The following ADAMTSL2 variants were observed in gnomAD, a reference collection of about 807,000 sequenced individuals.
ADAMTSL2 encodes ADAMTS like 2, also known as ADAMTS-like protein 2.
A neutral mutation model predicts 117.0 loss-of-function variants in ADAMTSL2; 55 were observed. The observed-to-expected ratio is 0.47, with a 90% CI of 0.38 to 0.59. The LOEUF (loss-of-function observed/expected upper bound fraction) is 0.59. ADAMTSL2 is among the 20% of genes least tolerant of loss of function. The probability of loss-of-function intolerance (pLI) is 0.00; values close to 1 mark genes in which losing one functional copy is unlikely to be tolerated. For missense variants in ADAMTSL2, 1,182 were observed against 1,354.5 expected, an observed-to-expected ratio of 0.87 and a Z score of 2.00; for synonymous variants, 572 against 566.4, an observed-to-expected ratio of 1.01 and a Z score of -0.14.
rs1435596067 is a variant in ADAMTSL2, at chr9:133,536,555, C to A, written c.-150-8C>A. ...AGACTGAGGCGGGGGGTTCATCCTT[C>A]CCAACAGGGTCTGCCAGACAACCAC... On this transcript the variant is annotated splice_region_variant and splice_polypyrimidine_tract_variant and intron_variant, in intron 1 of 18. Transcript: ENST00000651351. 6.4e-7 allele frequency: 1 copy of A among 1,559,418 alleles called. No homozygotes were observed. Among genetic ancestry groups the A allele is most frequent in the Non-Finnish European group, 8.7e-7 (1 of 1,149,336 alleles).
rs922156352 is a variant in ADAMTSL2 at position 133,558,633 on chromosome 9, C to G, written c.1650-2565C>G. On this transcript the variant is annotated intron_variant, in intron 11 of 18. Coordinates refer to ENST00000651351, the MANE Select transcript of ADAMTSL2 (RefSeq NM_014694.4). This position sits in a 1 kb window ranked among gnomAD's most constrained non-coding sequence, Gnocchi z 4.3. ...GGGAGCCCGTGAGCCTGTGTCTGGC[C>G]GGGCATCTGGGCGAAGGACCCTGAG... 6.6e-6 allele frequency among the ~76,000 whole-genome samples: 1 copy of G among 152,292 alleles called. No individual in the cohort carries two copies. The highest frequency in any genetic ancestry group is 1.5e-5 in the Non-Finnish European group (1 of 68,018).
chr9:133,554,395 C>CT lies in ADAMTSL2; in HGVS notation c.978_979insT (p.Glu327Ter), dbSNP rs538102556. ...ACGGCAAAAGCCCCTCCATCACCTT[C>CT]GAGTACACGCTGCTGCAGCCGCCAC... On this transcript the variant is annotated frameshift_variant, in exon 10 of 19. Transcript: ENST00000651351. LOFTEE classifies it high-confidence loss of function. The surrounding 1 kb of genome is among the most constrained non-coding windows in gnomAD (Gnocchi z 5.2). 6.4e-7 allele frequency: 1 copy of CT among 1,562,712 alleles called. No homozygotes were observed. Among genetic ancestry groups the CT allele is most frequent in the South Asian group, 1.2e-5 (1 of 85,756 alleles).
chr9:133,564,534 CAG>C (rs1199311129), intron 12 of ADAMTSL2, among the ~76,000 whole-genome samples: 12 of 4,458 alleles, frequency 2.7e-3, no homozygotes, highest in African/African-American at 0.011. Context: ...GAGAGAGAGA[CAG>C]AGAGGGAGAG....
chr9:133,534,807 C>T lies in ADAMTSL2; in HGVS notation c.-261C>T, dbSNP rs963801103. 4.7e-6 allele frequency: 7 copies of T among 1,488,638 alleles called. No homozygotes were observed. Among genetic ancestry groups the T allele is most frequent in the Non-Finnish European group, 6.3e-6 (7 of 1,114,160 alleles). 92.2% of individuals were successfully genotyped at this position (1,488,638 alleles called of 1,614,324 possible). A position where few individuals can be genotyped will look rare whatever the true frequency, so the allele number is the denominator to read the frequency against. On this transcript the variant is annotated 5_prime_UTR_variant, in exon 1 of 19. Transcript: ENST00000651351. ...GGGGAAGGGGAGAGGGAGGCCGGGCCGCAGCCTCTGCACTCACGCCGCCCC... is the reference window on the plus strand; with the variant it reads ...GGGGAAGGGGAGAGGGAGGCCGGGCTGCAGCCTCTGCACTCACGCCGCCCC...
chr9:133,536,706 T>C lies in ADAMTSL2; in HGVS notation c.-7T>C. ...GCCTGGTGGTGACAGTGGCCTTGCT[T>C]CCTAGGATGGATGGCAGATGGCAAT... On this transcript the variant is annotated 5_prime_UTR_variant, in exon 2 of 19. Coordinates refer to ENST00000651351, the MANE Select transcript of ADAMTSL2 (RefSeq NM_014694.4). 6.2e-7 allele frequency: 1 copy of C among 1,614,134 alleles called. No homozygotes were observed. The highest frequency in any genetic ancestry group is 8.5e-7 in the Non-Finnish European group (1 of 1,180,012).
chr9:133,556,880 T>C (rs2131143953), intron 11 of ADAMTSL2, among the ~76,000 whole-genome samples: 1 of 152,236 alleles, frequency 6.6e-6, no homozygotes, highest in South Asian at 2.1e-4. Flanking sequence ...TGCCCCCAGA[T>C]AGAGGGTGGC....
chr9:133,544,369 G>C (rs1446691096), intron 7 of ADAMTSL2, 101 bp from the exon 8 acceptor site: 23 of 1,010,330 alleles, frequency 2.3e-5, no homozygotes, highest in Admixed American at 1.2e-4. Context: ...CCAGCCCTTA[G>C]ACAGCCACCG....
chr9:133,547,006 G>C lies in ADAMTSL2; in HGVS notation c.764-32G>C. The C allele has an allele frequency of 3.1e-6, 5 of 1,612,696 alleles. No homozygotes were observed. The South Asian group carries it at 5.5e-5, about 18-fold the overall frequency. ...ACTGGCTCCTCCCCCAGCCAGTTTGGCCTTTTGTGACCGGCGGCTTTGCCC... is the reference window on the plus strand; with the variant it reads ...ACTGGCTCCTCCCCCAGCCAGTTTGCCCTTTTGTGACCGGCGGCTTTGCCC... On this transcript the variant is annotated intron_variant, in intron 8 of 18. Transcript: ENST00000651351.
At chr9:133,541,114 T>G in intron 7 of ADAMTSL2, 113 bp downstream of exon 7, 1 of 1,440,714 alleles carries the variant, frequency 6.9e-7, no homozygotes, top group Non-Finnish European at 9.5e-7. Flanking sequence ...TCTTCCCCTC[T>G]AGGGGCACCT....
At chr9:133,565,849 A>G (rs917566366) in intron 12 of ADAMTSL2, among the ~76,000 whole-genome samples, 4 of 150,964 alleles carry the variant, frequency 2.6e-5, no homozygotes, top group African/African-American at 4.9e-5. Flanking sequence ...CCACACACAC[A>G]CACACACACA....
At chr9:133,547,895 C>T (rs1482166154) in intron 9 of ADAMTSL2, among the ~76,000 whole-genome samples, 1 of 152,228 alleles carries the variant, frequency 6.6e-6, no homozygotes, top group Non-Finnish European at 1.5e-5. Flanking sequence ...CCCGACTTGC[C>T]ACAAGTTCTT....
At position 133,554,613 on chromosome 9, in the gene ADAMTSL2, A is replaced by G; in HGVS notation, c.1196A>G (p.Gln399Arg). 6.5e-7 allele frequency: 1 copy of G among 1,546,964 alleles called. No homozygotes were observed. The highest frequency in any genetic ancestry group is 8.7e-7 in the Non-Finnish European group (1 of 1,145,664). Reference sequence around the variant, plus strand: ...CTGGACATGGAGCTGGGCCCCAGCCAGGGCCAGGAGACCAACGAGGTGTGC... The same window carrying G: ...CTGGACATGGAGCTGGGCCCCAGCCGGGGCCAGGAGACCAACGAGGTGTGC... ...PGLDMELGPS[Q>R]GQETNEVCEQ... The change falls in exon 10 of 19, where the codon CAG (glutamine) becomes CGG (arginine). Residue 399 changes from glutamine to arginine, a missense_variant. By Grantham distance (43) the Gln-to-Arg change is conservative (BLOSUM62 1). This residue lies in a region of ADAMTSL2 where 345 missense variants were observed against 325.8 expected (regional missense o/e 1.06). Coordinates refer to ENST00000651351, the MANE Select transcript of ADAMTSL2 (RefSeq NM_014694.4). This position sits in a 1 kb window ranked among gnomAD's most constrained non-coding sequence, Gnocchi z 5.2.
At chr9:133,556,514 C>A (rs1830608347) in intron 11 of ADAMTSL2, among the ~76,000 whole-genome samples, 1 of 152,300 alleles carries the variant, frequency 6.6e-6, no homozygotes, top group African/African-American at 2.4e-5. Flanking sequence ...TGGAGAGGAT[C>A]TAGTGGATTC....
chr9:133,554,065 G>A lies in ADAMTSL2; in HGVS notation c.940-292G>A, dbSNP rs1298568170. 2.0e-5 allele frequency among the ~76,000 whole-genome samples: 3 copies of A among 152,216 alleles called. No homozygotes were observed. The highest frequency in any genetic ancestry group is 6.5e-5 in the Admixed American group (1 of 15,294). ...CTCTGCATACAGCATGCAGAGACGA[G>A]GGCCCACCTGGGCGTGCCTGGAAGA... On this transcript the variant is annotated intron_variant, in intron 9 of 18. Coordinates refer to ENST00000651351, the MANE Select transcript of ADAMTSL2 (RefSeq NM_014694.4). The surrounding 1 kb of genome is among the most constrained non-coding windows in gnomAD (Gnocchi z 5.2).
At chr9:133,539,491 G>T (rs1416116777) in intron 4 of ADAMTSL2, among the ~76,000 whole-genome samples, 1 of 152,188 alleles carries the variant, frequency 6.6e-6, no homozygotes, top group Non-Finnish European at 1.5e-5. Context: ...CCACCGCAAG[G>T]CTGGGAGAAG....
rs374024697 is a variant in ADAMTSL2, at chr9:133,543,315, A to G, written c.683-1155A>G. Among the ~76,000 whole-genome samples the G allele has an allele frequency of 2.1e-4, 32 of 152,352 alleles. No homozygotes were observed. In the East Asian group the frequency reaches 2.9e-3, roughly 14 times the overall value. ...CCCAGTGATATCAGGTTGGTAGTGCAAACAAACATAGCTTCAGTCGCTTGC... is the reference window on the plus strand; with the variant it reads ...CCCAGTGATATCAGGTTGGTAGTGCGAACAAACATAGCTTCAGTCGCTTGC... On this transcript the variant is annotated intron_variant, in intron 7 of 18. Coordinates refer to ENST00000651351, the MANE Select transcript of ADAMTSL2 (RefSeq NM_014694.4).
chr9:133,566,343 A>C (rs1830972626), intron 12 of ADAMTSL2, among the ~76,000 whole-genome samples: 1 of 152,212 alleles, frequency 6.6e-6, no homozygotes, highest in African/African-American at 2.4e-5. Context: ...CGGGAGGCTG[A>C]GGCAGGAGAA....
chr9:133,563,829 GAGAGA>G (rs1830810858), intron 12 of ADAMTSL2, among the ~76,000 whole-genome samples: 1 of 94,602 alleles, frequency 1.1e-5, no homozygotes, highest in Non-Finnish European at 2.3e-5. Flanking sequence ...GAGAGAGAGA[GAGAGA>G]GAGAGAGAGG....
At chr9:133,535,275 G>T (rs1243091200) in intron 1 of ADAMTSL2, among the ~76,000 whole-genome samples, 1 of 152,046 alleles carries the variant, frequency 6.6e-6, no homozygotes. Flanking sequence ...TCTTCAGCCG[G>T]CAGGCAGAGG....
Sources: allele counts gnomAD v4.1 joint callset (sites outside exome capture counted in the v4.1 genomes callset), GRCh38; gene constraint gnomAD v4.1.1; regional missense constraint gnomAD v4.1.1; non-coding constraint Gnocchi (gnomAD v3.1); transcripts MANE v1.5; gene names NCBI Gene and HGNC (gene_info 2026-07-23, HGNC 2026-07-21).